Variants in SNX6 observed in about 807,000 individuals in gnomAD.
The protein encoded by SNX6 is sorting nexin-6.
Under a neutral mutation model 63.0 loss-of-function variants are expected in SNX6, and 34 were observed. The observed-to-expected ratio is 0.54, with a 90% CI of 0.41 to 0.72. SNX6 has a LOEUF of 0.72. Ranked by LOEUF, SNX6 falls within the 30% of genes least tolerant of loss-of-function variation. The pLI, the probability that SNX6 is intolerant of heterozygous loss-of-function variation, is 0.00. For synonymous variants in SNX6, 170 were observed against 164.2 expected (o/e 1.04, Z -0.27); for missense variants, 398 against 471.4 (o/e 0.84, Z 1.44).
intron 2 of SNX6, chr14:34,629,398 T>C: frequency 2.2e-6 from 1 of 446,718 alleles, no homozygotes; most frequent in Non-Finnish European, 4.5e-6. Flanking sequence ...AGTAGGGCAC[T>C]GGACAGGAGT....
intron 2 of SNX6, among the ~76,000 whole-genome samples, chr14:34,617,046 C>T (rs1423442264): frequency 2.6e-5 from 4 of 152,114 alleles, no homozygotes; most frequent in African/African-American, 9.7e-5. Flanking sequence ...CGCACCACTG[C>T]ACTCCAGCCT....
At position 34,593,681 on chromosome 14, in the gene SNX6, C is replaced by T. The variant is rs575652119; in HGVS notation, c.613-531G>A. On this transcript the variant is annotated intron_variant, in intron 7 of 13. Coordinates refer to ENST00000362031, the MANE Select transcript of SNX6 (RefSeq NM_152233.4). ...CAGCCTCCTGGGTTCAAGTGATTCT[C>T]CTGCCTCAGCCTCCTGAGTAGCTGA... is the stretch of plus-strand genomic sequence containing the variant. Among the ~76,000 whole-genome samples the T allele has an allele frequency of 8.6e-5, 13 of 151,970 alleles. No individual in the cohort carries two copies. The South Asian group carries it at 1.2e-3, about 15-fold the overall frequency.
intron 6 of SNX6, among the ~76,000 whole-genome samples, chr14:34,602,590 C>CA (rs200915421): frequency 0.016 from 1,898 of 116,088 alleles, 66 homozygotes; most frequent in African/African-American, 0.058. Flanking sequence ...GACTCTGTCT[C>CA]AAAAAAAAAA....
chr14:34,617,475 A>T (rs1425095391), intron 2 of SNX6, among the ~76,000 whole-genome samples: 1 of 151,992 alleles, frequency 6.6e-6, no homozygotes, highest in East Asian at 1.9e-4. Context: ...TCGTGTCTCC[A>T]CAAAAAATTT....
chr14:34,610,804 C>T (rs1883199070), intron 2 of SNX6, among the ~76,000 whole-genome samples: 1 of 152,010 alleles, frequency 6.6e-6, no homozygotes, highest in African/African-American at 2.4e-5. Flanking sequence ...AAAGTCTTAG[C>T]CAGCTGCAAA....
In SNX6 at chr14:34,575,747, TA is replaced by T. The variant is rs1881668107; in HGVS notation, c.921+8del. The T allele has an allele frequency of 1.3e-6, 2 of 1,521,798 alleles. No homozygotes were observed. The highest frequency in any genetic ancestry group is 1.8e-6 in the Non-Finnish European group (2 of 1,119,418). 94.3% of individuals were successfully genotyped at this position (1,521,798 alleles called of 1,614,324 possible). A position where few individuals can be genotyped will look rare whatever the true frequency, so the allele number is the denominator to read the frequency against. On this transcript the variant is annotated splice_region_variant and intron_variant, in intron 11 of 13. Coordinates refer to ENST00000362031, the MANE Select transcript of SNX6 (RefSeq NM_152233.4). Reference sequence around the variant, plus strand: ...TAAAATGGCTCATTTAAAAAAAGATTAAAATTACCTTAGCAGCTTGAGATTC... The same window carrying T: ...TAAAATGGCTCATTTAAAAAAAGATTAAATTACCTTAGCAGCTTGAGATTC...
intron 2 of SNX6, among the ~76,000 whole-genome samples, chr14:34,616,999 T>A (rs1883440642): frequency 1.3e-5 from 2 of 152,022 alleles, no homozygotes; most frequent in South Asian, 4.2e-4. Flanking sequence ...GGAGAATTGC[T>A]TGAATCCAGG....
At chr14:34,609,087 T>C (rs564603004) in intron 3 of SNX6, among the ~76,000 whole-genome samples, 29 of 151,864 alleles carry the variant, frequency 1.9e-4, no homozygotes, top group Non-Finnish European at 3.2e-4. Flanking sequence ...GAAAGAACAA[T>C]GAAATTGAAA....
At chr14:34,627,794 A>T (rs1200064052) in intron 2 of SNX6, among the ~76,000 whole-genome samples, 3 of 150,598 alleles carry the variant, frequency 2.0e-5, no homozygotes, top group Admixed American at 6.6e-5. Flanking sequence ...CTGGTCTTAA[A>T]ATTTTTAGGT....
chr14:34,608,229 G>C (rs555202849), intron 3 of SNX6, 89 bp from the exon 4 acceptor site: 3 of 645,764 alleles, frequency 4.6e-6, no homozygotes, highest in Non-Finnish European at 8.1e-6. Flanking sequence ...CCAGGCTGGA[G>C]TGCAGTCGAA....
At position 34,604,159 on chromosome 14, in the gene SNX6, G is replaced by A. The variant is rs770724177; in HGVS notation, c.393-688C>T. 1.1e-5 allele frequency: 14 copies of A among 1,283,336 alleles called. 1 individual carries two copies. The South Asian group carries it at 1.8e-4, about 16-fold the overall frequency. The allele number at this position is 1,283,336 out of a possible 1,614,324, so 79.5% of individuals were successfully genotyped here. ...CCAGCAAACCAGCAGGACCAATGAT[G>A]GGAGAAGTTTGATCTCTGTGAGGGT... On this transcript the variant is annotated intron_variant, in intron 5 of 13. Transcript: ENST00000362031.
intron 11 of SNX6, chr14:34,569,071 G>A: frequency 8.7e-7 from 1 of 1,148,044 alleles, no homozygotes. Flanking sequence ...TCTGAGGAAG[G>A]CTGCCAGAGC....
At chr14:34,578,047 A>G (rs1384824832) in intron 10 of SNX6, among the ~76,000 whole-genome samples, 1 of 147,798 alleles carries the variant, frequency 6.8e-6, no homozygotes, top group Non-Finnish European at 1.5e-5. Context: ...CCCCGTCTCT[A>G]CATAAAAATT....
chr14:34,589,997 G>A (rs1882327179), intron 8 of SNX6, among the ~76,000 whole-genome samples: 1 of 152,152 alleles, frequency 6.6e-6, no homozygotes, highest in Non-Finnish European at 1.5e-5. Context: ...GCGCATGCCT[G>A]TGGTCCCAGC....
At chr14:34,603,073 C>G (rs961050595) in intron 6 of SNX6, among the ~76,000 whole-genome samples, 1 of 150,732 alleles carries the variant, frequency 6.6e-6, no homozygotes, top group Non-Finnish European at 1.5e-5. Flanking sequence ...GTCAGGAGAT[C>G]GAGACCATTC....
intron 5 of SNX6, among the ~76,000 whole-genome samples, chr14:34,603,919 A>C (rs892502616): frequency 6.6e-6 from 1 of 152,114 alleles, no homozygotes; most frequent in African/African-American, 2.4e-5. Flanking sequence ...ATTTTCATCT[A>C]ATTACCCAAA....
chr14:34,605,730 C>A lies in SNX6; in HGVS notation c.271-13G>T. ...GTGCTGGTGGAATCTGTAACAGGAC[C>A]AAATGACTAATTTTAAGGAAATTTT... On this transcript the variant is annotated splice_polypyrimidine_tract_variant and intron_variant, in intron 4 of 13. Transcript: ENST00000362031. 6.3e-7 allele frequency: 1 copy of A among 1,584,444 alleles called. No individual in the cohort carries two copies. Among genetic ancestry groups the A allele is most frequent in the Non-Finnish European group, 8.5e-7 (1 of 1,172,126 alleles).
chr14:34,592,144 T>G (rs1882418590), intron 8 of SNX6, among the ~76,000 whole-genome samples: 1 of 152,144 alleles, frequency 6.6e-6, no homozygotes, highest in Non-Finnish European at 1.5e-5. Flanking sequence ...TCCCTGCACT[T>G]TGGAAGGCCA....
chr14:34,623,979 G>T (rs917976620), intron 2 of SNX6, among the ~76,000 whole-genome samples: 14 of 152,134 alleles, frequency 9.2e-5, no homozygotes, highest in Non-Finnish European at 1.6e-4. Flanking sequence ...ATATGTTACT[G>T]TCCTTTATTT....
Sources: gnomAD v4.1 joint callset for allele counts (sites outside exome capture counted in the v4.1 genomes callset) on GRCh38, gnomAD v4.1.1 for gene constraint, MANE v1.5 for transcripts, NCBI Gene and HGNC (gene_info 2026-07-23, HGNC 2026-07-21) for gene names.